The following TJAP1 variants were observed in gnomAD, a reference collection of about 807,000 sequenced individuals.
TJAP1 encodes tight junction-associated protein 1.
TJAP1 carries 27 observed loss-of-function variants against 42.0 expected under a neutral mutation model. That is an observed-to-expected ratio of 0.64 (90% CI 0.47 to 0.89). The LOEUF (loss-of-function observed/expected upper bound fraction) is 0.89. TJAP1 is among the 40% of genes least tolerant of loss of function. The pLI is 0.00. For missense variants in TJAP1, 712 were observed against 726.9 expected (o/e 0.98, Z 0.24); for synonymous variants, 257 against 288.4 (o/e 0.89, Z 1.10).
At chr6:43,478,316 A>G (rs1784630204) in intron 2 of TJAP1, 84 bp downstream of exon 2, 1 of 152,238 alleles carries the variant, frequency 6.6e-6, no homozygotes, top group Non-Finnish European at 1.5e-5. Flanking sequence ...GCCAAGAAAC[A>G]TTTGGTCTGA....
At chr6:43,503,369 T>A in intron 8 of TJAP1, 32 bp from the exon 9 acceptor site, 2 of 1,562,550 alleles carry the variant, frequency 1.3e-6, no homozygotes, top group Non-Finnish European at 1.8e-6. Flanking sequence ...GGCTAGAGTG[T>A]GGGCTGGGTT....
intron 2 of TJAP1, among the ~76,000 whole-genome samples, chr6:43,483,333 A>G (rs1319422710): frequency 6.6e-6 from 1 of 152,162 alleles, no homozygotes; most frequent in Non-Finnish European, 1.5e-5. Flanking sequence ...TATCATGGGC[A>G]TCCATTTAGT....
chr6:43,498,310 A>G (rs1789699520), intron 3 of TJAP1, among the ~76,000 whole-genome samples: 2 of 152,234 alleles, frequency 1.3e-5, no homozygotes, highest in African/African-American at 4.8e-5. Flanking sequence ...TCACACCTAT[A>G]ATCCCAGCAC....
intron 6 of TJAP1, 37 bp downstream of exon 6, chr6:43,501,724 A>G: frequency 4.5e-6 from 3 of 668,596 alleles, no homozygotes; most frequent in South Asian, 1.6e-5. Context: ...ACACACACAC[A>G]CACACACACA....
intron 2 of TJAP1, among the ~76,000 whole-genome samples, chr6:43,481,622 G>A (rs1254556756): frequency 1.3e-5 from 2 of 150,698 alleles, no homozygotes; most frequent in Non-Finnish European, 2.9e-5. Context: ...AAATAGCTTC[G>A]TCCCCTCAGC....
intron 4 of TJAP1, chr6:43,500,497 T>G (rs903173847): frequency 1.2e-5 from 6 of 520,366 alleles, no homozygotes; most frequent in South Asian, 2.7e-5. Context: ...TGAAAATGGC[T>G]TTAGGATTGG....
Position 43,505,633 on chromosome 6 carries a change from A to C in TJAP1, c.1452A>C (p.Glu484Asp). ...ACTCTGGCTTTCCCAGGGAGGAAGA[A>C]GAGCTGAACCTGCCTATCAGTCCTG... The change falls in exon 11 of 11, where the codon GAA (glutamate) becomes GAC (aspartate). Residue 484 changes from glutamate to aspartate, a missense_variant. By Grantham distance (45) the Glu-to-Asp change is conservative. Transcript: ENST00000372449. The surrounding 1 kb of genome is among the most constrained non-coding windows in gnomAD (Gnocchi z 5.5). 1 of 1,613,346 alleles carries C rather than the reference A, an allele frequency of 6.2e-7. No individual in the cohort carries two copies. Among genetic ancestry groups the C allele is most frequent in the South Asian group, 1.1e-5 (1 of 91,084 alleles).
intron 7 of TJAP1, 113 bp downstream of exon 7, chr6:43,502,462 T>C: frequency 6.7e-7 from 1 of 1,491,010 alleles, no homozygotes; most frequent in Non-Finnish European, 9.2e-7. Flanking sequence ...GATGGTGGGA[T>C]GGGGCAGTGG....
intron 2 of TJAP1, among the ~76,000 whole-genome samples, chr6:43,486,230 GCAGGGATTA>G (rs1301052756): frequency 1.3e-5 from 2 of 152,000 alleles, no homozygotes; most frequent in Non-Finnish European, 2.9e-5. Flanking sequence ...CTCCCAAAGT[GCAGGGATTA>G]CAGACGTGAA....
At position 43,492,463 on chromosome 6, in the gene TJAP1, C is replaced by T. The variant is rs1788016343; in HGVS notation, c.-121-5418C>T. Among the ~76,000 whole-genome samples the T allele has an allele frequency of 6.6e-6, 1 of 152,188 alleles. No homozygotes were observed. The highest frequency in any genetic ancestry group is 1.5e-5 in the Non-Finnish European group (1 of 68,032). ...GCAGAACCTCTGCCCAGTCCCCACC[C>T]TATGAGCTGTTGGCTGCCTGCCTGC... On this transcript the variant is annotated intron_variant, in intron 2 of 10. Coordinates refer to ENST00000372449, the Ensembl canonical transcript of TJAP1. The surrounding 1 kb of genome is among the most constrained non-coding windows in gnomAD (Gnocchi z 4.2).
intron 8 of TJAP1, chr6:43,503,028 C>T: frequency 2.2e-6 from 1 of 449,124 alleles, no homozygotes; most frequent in Non-Finnish European, 4.1e-6. Context: ...CCTCTCCTAG[C>T]CTGATGCTGG....
At chr6:43,503,418 G>A (rs903847275) in exon 9 of TJAP1, 1 of 1,613,722 alleles carries the variant, frequency 6.2e-7, no homozygotes, top group Non-Finnish European at 8.5e-7. Flanking sequence ...AGGCTGAGAT[G>A]GATAGGAAGA....
chr6:43,484,920 G>A (rs949044280), intron 2 of TJAP1, among the ~76,000 whole-genome samples: 1 of 152,230 alleles, frequency 6.6e-6, no homozygotes, highest in Non-Finnish European at 1.5e-5. Flanking sequence ...TGGAGGCGGG[G>A]TTTTACCAAG....
intron 2 of TJAP1, among the ~76,000 whole-genome samples, chr6:43,483,649 G>T (rs1314882432): frequency 6.6e-6 from 1 of 152,198 alleles, no homozygotes; most frequent in Admixed American, 6.5e-5. Flanking sequence ...TAGTGTGAAA[G>T]AATCTGATTG....
intron 2 of TJAP1, among the ~76,000 whole-genome samples, chr6:43,488,897 C>T (rs922332783): frequency 1.3e-5 from 2 of 152,170 alleles, no homozygotes; most frequent in Non-Finnish European, 2.9e-5. Context: ...GAAGTGTTTC[C>T]TGTCTGCGTG....
At chr6:43,497,702 C>G (rs764175267) in intron 2 of TJAP1, 179 bp from the exon 3 acceptor site, 1 of 152,244 alleles carries the variant, frequency 6.6e-6, no homozygotes, top group Non-Finnish European at 1.5e-5. Context: ...AGGCAGGAAC[C>G]CAGTGCTTCC....
chr6:43,494,893 C>A (rs1788771623), intron 2 of TJAP1, among the ~76,000 whole-genome samples: 1 of 152,220 alleles, frequency 6.6e-6, no homozygotes, highest in African/African-American at 2.4e-5. Context: ...ATTTCCTGAT[C>A]TTCCTCCAGA....
At chr6:43,490,800 G>A (rs942375677) in intron 2 of TJAP1, among the ~76,000 whole-genome samples, 4 of 152,166 alleles carry the variant, frequency 2.6e-5, no homozygotes, top group Non-Finnish European at 5.9e-5. Flanking sequence ...AGTAGAGTGG[G>A]GGCAGGACCT....
chr6:43,498,851 A>G (rs1789848473), intron 3 of TJAP1, 127 bp from the exon 4 acceptor site: 2 of 992,266 alleles, frequency 2.0e-6, no homozygotes, highest in Non-Finnish European at 2.9e-6. Flanking sequence ...GACTCCAGTA[A>G]TGGCCCAGGC....
Sources: gnomAD v4.1 joint callset for allele counts (sites outside exome capture counted in the v4.1 genomes callset) on GRCh38, gnomAD v4.1.1 for gene constraint, Gnocchi (gnomAD v3.1) non-coding constraint, MANE v1.5 for transcripts, NCBI Gene and HGNC (gene_info 2026-07-23, HGNC 2026-07-21) for gene names.